FFAR1: variants seen among roughly 807,000 people sequenced by gnomAD.
FFAR1 encodes the protein G-protein coupled receptor 40.
For missense variants in FFAR1, 424 were observed against 396.2 expected, an observed-to-expected ratio of 1.07 and a Z score of -0.60; for synonymous variants, 216 against 201.5, an observed-to-expected ratio of 1.07 and a Z score of -0.61.
At chr19:35,352,005 G>A (rs768953241) in exon 1 of FFAR1, 1 of 1,614,058 alleles carries the variant, frequency 6.2e-7, no homozygotes. Context: ...AGGCTGGCTG[G>A]ACCACAGCAA....
upstream of FFAR1, among the ~76,000 whole-genome samples, chr19:35,348,539 C>T (rs1001174421): frequency 3.3e-5 from 5 of 152,154 alleles, no homozygotes; most frequent in South Asian, 2.1e-4. Flanking sequence ...GCGGAGGTAG[C>T]GGTGAGCCGA....
exon 1 of FFAR1, chr19:35,352,651 G>C: frequency 3.2e-6 from 2 of 621,870 alleles, no homozygotes; most frequent in South Asian, 4.0e-5. Context: ...ACGGTGGCAG[G>C]GGGAGGTAAG....
Position 35,352,438 on chromosome 19 carries a change from G to A in FFAR1, c.887G>A (p.Gly296Asp), listed in dbSNP as rs543539181. 1.9e-6 allele frequency: 3 copies of A among 1,553,716 alleles called. No individual in the cohort carries two copies. In the Admixed American group the frequency reaches 5.9e-5, roughly 30 times the overall value. Residue 296 changes from glycine to aspartate, a missense_variant, in exon 1 of 1, where the codon GGC (glycine) becomes GAC (aspartate). Coordinates refer to ENST00000246553, the Ensembl canonical transcript of FFAR1. The stretch of plus-strand genomic sequence containing the variant: ...GTGTGTGCGGCAAGAACGCAAGGGG[G>A]CAAGTCCCAGAAGTAACGCCACTGC...
At chr19:35,353,265 G>A (rs1339777088) in exon 1 of FFAR1, 1 of 152,210 alleles carries the variant, frequency 6.6e-6, no homozygotes, top group Non-Finnish European at 1.5e-5. Flanking sequence ...AAGACTGCTC[G>A]AAGCCAGGAG....
chr19:35,347,963 A>T (rs1372162957), upstream of FFAR1, among the ~76,000 whole-genome samples: 3 of 152,070 alleles, frequency 2.0e-5, no homozygotes, highest in African/African-American at 7.2e-5. Flanking sequence ...ACTGATTCAG[A>T]CTTTCCAGTT....
exon 1 of FFAR1, chr19:35,352,637 GA>G (rs2066950890): frequency 1.5e-6 from 1 of 650,674 alleles, no homozygotes; most frequent in South Asian, 2.0e-5. Context: ...CACCGAGCCA[GA>G]GCACGGTGGC....
exon 1 of FFAR1, chr19:35,353,737 C>T (rs1017294132): frequency 6.6e-5 from 10 of 152,230 alleles, no homozygotes; most frequent in Admixed American, 5.2e-4. Flanking sequence ...GCAGTTCAAC[C>T]CTTTTTTATA....
chr19:35,349,611 T>C (rs781633672), upstream of FFAR1, among the ~76,000 whole-genome samples: 17 of 152,138 alleles, frequency 1.1e-4, no homozygotes, highest in Non-Finnish European at 2.5e-4. Flanking sequence ...TTGAGGGAGT[T>C]AGTGATAGGC....
chr19:35,351,677 G>C (rs777330282), exon 1 of FFAR1: 19 of 1,559,436 alleles, frequency 1.2e-5, no homozygotes, highest in Non-Finnish European at 1.6e-5. Flanking sequence ...CCCCTAGCCT[G>C]GTCTACGCCC....
exon 1 of FFAR1, chr19:35,352,608 AC>A: frequency 2.5e-6 from 2 of 786,808 alleles, no homozygotes; most frequent in Non-Finnish European, 2.0e-6. Flanking sequence ...TGAGGGCAGC[AC>A]CCCAGTCAAG....
chr19:35,351,635 A>T, exon 1 of FFAR1: 1 of 1,545,350 alleles, frequency 6.5e-7, no homozygotes, highest in South Asian at 1.2e-5. Context: ...TGGCCATCCG[A>T]GGCGCGACGG....
At chr19:35,352,589 G>A in exon 1 of FFAR1, 1 of 946,748 alleles carries the variant, frequency 1.1e-6, no homozygotes, top group African/African-American at 1.7e-5. Flanking sequence ...AGCAGAGAGC[G>A]GCGCCTGCTG....
At chr19:35,349,830 G>A (rs552253248), upstream of FFAR1, among the ~76,000 whole-genome samples, 2 of 152,284 alleles carry the variant, frequency 1.3e-5, no homozygotes, top group Non-Finnish European at 2.9e-5. Context: ...AGAAAGACAC[G>A]GGCACATTGA....
At chr19:35,349,118 G>C (rs949782962), upstream of FFAR1, among the ~76,000 whole-genome samples, 1 of 152,192 alleles carries the variant, frequency 6.6e-6, no homozygotes, top group Non-Finnish European at 1.5e-5. Flanking sequence ...ACAATGGATC[G>C]TGCATTTAGG....
exon 1 of FFAR1, chr19:35,352,462 G>C (rs1213564906): frequency 1.3e-6 from 2 of 1,550,036 alleles, no homozygotes; most frequent in Non-Finnish European, 1.7e-6. Flanking sequence ...TAACGCCACT[G>C]CTCGGGGGAA....
chr19:35,352,186 C>T, exon 1 of FFAR1: 2 of 1,603,692 alleles, frequency 1.2e-6, no homozygotes, highest in Non-Finnish European at 1.7e-6. Flanking sequence ...CTGGCCCGCT[C>T]CGGCCTGACG....
At chr19:35,349,817 G>C (rs2066936700), upstream of FFAR1, among the ~76,000 whole-genome samples, 1 of 152,200 alleles carries the variant, frequency 6.6e-6, no homozygotes, top group African/African-American at 2.4e-5. Context: ...CTGACAGACA[G>C]ACAGAAAGAC....
upstream of FFAR1, among the ~76,000 whole-genome samples, chr19:35,351,012 C>CA (rs1487478307): frequency 6.6e-6 from 1 of 152,154 alleles, no homozygotes; most frequent in African/African-American, 2.4e-5. Context: ...GCCACACCCT[C>CA]ACCTTATCCA....
chr19:35,349,151 C>T (rs560402981), upstream of FFAR1, among the ~76,000 whole-genome samples: 7 of 152,158 alleles, frequency 4.6e-5, no homozygotes, highest in Non-Finnish European at 7.3e-5. Flanking sequence ...TGCTGTGCAA[C>T]GTGTAGTAGA....
Sources: gnomAD v4.1 joint callset for allele counts (sites outside exome capture counted in the v4.1 genomes callset) on GRCh38, gnomAD v4.1.1 for gene constraint, MANE v1.5 for transcripts, NCBI Gene and HGNC (gene_info 2026-07-23, HGNC 2026-07-21) for gene names.